The following SEC61A1 variants were observed in gnomAD, a reference collection of about 807,000 sequenced individuals.
SEC61A1 encodes the protein SEC61 translocon subunit alpha 1, also known as protein transport protein Sec61 subunit alpha isoform 1.
SEC61A1 carries 15 observed loss-of-function variants against 55.2 expected under a neutral mutation model. That is an observed-to-expected ratio of 0.27 (90% CI 0.18 to 0.42). The LOEUF is 0.42. Among genes scored for constraint, SEC61A1 ranks in the 10% least tolerant of loss-of-function variants. The probability of loss-of-function intolerance (pLI) is 1.00; values close to 1 mark genes in which losing one functional copy is unlikely to be tolerated. For missense variants in SEC61A1, 284 were observed against 602.6 expected (o/e 0.47, Z 5.53); for synonymous variants, 247 against 234.0 (o/e 1.06, Z -0.51).
At chr3:128,066,789 G>C in intron 8 of SEC61A1, 165 bp from the exon 9 acceptor site, 2 of 634,972 alleles carry the variant, frequency 3.1e-6, no homozygotes, top group South Asian at 3.9e-5. Flanking sequence ...GGAGTGCAGT[G>C]GTGGGTAAGG....
chr3:128,063,590 C>T (rs1485326760), intron 7 of SEC61A1, among the ~76,000 whole-genome samples: 3 of 152,206 alleles, frequency 2.0e-5, no homozygotes, highest in Non-Finnish European at 2.9e-5. Context: ...CCGCGTCAGT[C>T]TCCCAAAGTG....
rs767069188 is a variant in SEC61A1 at position 128,060,676 on chromosome 3, C to T, written c.616+15C>T. ...CACTGGCCGAGGTAAGGGCCCTGTG[C>T]TCCCCTGGTGGCGACAGCTTTCAGC... On this transcript the variant is annotated intron_variant, in intron 7 of 11. Coordinates refer to ENST00000243253, the MANE Select transcript of SEC61A1 (RefSeq NM_013336.4). 1 of 1,611,874 alleles carries T rather than the reference C, an allele frequency of 6.2e-7. No individual in the cohort carries two copies. The highest frequency in any genetic ancestry group is 1.1e-5 in the South Asian group (1 of 90,582).
At chr3:128,051,867 A>G (rs985562724), upstream of SEC61A1, 7 of 1,535,766 alleles carry the variant, frequency 4.6e-6, no homozygotes, top group African/African-American at 6.8e-5. Flanking sequence ...CACCCACGAC[A>G]AGCCTCCGGG....
chr3:128,061,878 C>T (rs1941857136), intron 7 of SEC61A1, among the ~76,000 whole-genome samples: 1 of 152,180 alleles, frequency 6.6e-6, no homozygotes, highest in Non-Finnish European at 1.5e-5. Context: ...CCCCTGGTGG[C>T]TTAGCAGCCC....
At chr3:128,051,997 G>A, upstream of SEC61A1, 2 of 1,008,762 alleles carry the variant, frequency 2.0e-6, no homozygotes, top group Admixed American at 2.0e-5. Flanking sequence ...CTGGGATAAG[G>A]TCCCTGCTCC....
Position 128,057,660 on chromosome 3 carries a change from C to A in SEC61A1, c.352+820C>A, listed in dbSNP as rs1941791590. 5.3e-5 allele frequency among the ~76,000 whole-genome samples: 8 copies of A among 151,824 alleles called. No homozygotes were observed. In the South Asian group the frequency reaches 1.7e-3, roughly 32 times the overall value. ...ATCATCTGAGGTCAGGAGTTTGAGA[C>A]CAACCTGGCCAACATGGTGAAACCC... On this transcript the variant is annotated intron_variant, in intron 5 of 11. Transcript: ENST00000243253.
At chr3:128,059,965 C>G (rs756886203) in intron 5 of SEC61A1, 137 bp from the exon 6 acceptor site, 18 of 635,526 alleles carry the variant, frequency 2.8e-5, no homozygotes, top group Non-Finnish European at 4.5e-5. Context: ...CGTTCTCAGC[C>G]GAGCCCCTTG....
At chr3:128,063,825 C>G (rs1941889733) in intron 7 of SEC61A1, among the ~76,000 whole-genome samples, 1 of 152,108 alleles carries the variant, frequency 6.6e-6, no homozygotes, top group African/African-American at 2.4e-5. Flanking sequence ...CTTTTTTTCG[C>G]TTTTTAGTTT....
At chr3:128,054,327 CTT>C (rs2107640838) in intron 2 of SEC61A1, among the ~76,000 whole-genome samples, 1 of 152,288 alleles carries the variant, frequency 6.6e-6, no homozygotes, top group South Asian at 2.1e-4. Context: ...ATTGTCTGCT[CTT>C]TGTTTCCCAT....
intron 7 of SEC61A1, among the ~76,000 whole-genome samples, chr3:128,063,151 G>A (rs1298687650): frequency 6.6e-6 from 1 of 151,894 alleles, no homozygotes. Flanking sequence ...TTTTTGTAGG[G>A]TGTCTTCATT....
intron 5 of SEC61A1, among the ~76,000 whole-genome samples, 192 bp downstream of exon 5, chr3:128,057,032 G>A (rs186120163): frequency 6.6e-6 from 1 of 152,058 alleles, no homozygotes; most frequent in South Asian, 2.1e-4. Context: ...CACCTCCCAG[G>A]TTCAAGCAAT....
At chr3:128,066,872 A>G in intron 8 of SEC61A1, 82 bp from the exon 9 acceptor site, 6 of 1,381,800 alleles carry the variant, frequency 4.3e-6, no homozygotes, top group Non-Finnish European at 6.1e-6. Context: ...GGCCCACTGG[A>G]CAGTCCCCGG....
At chr3:128,065,395 T>C in intron 8 of SEC61A1, 1 of 551,614 alleles carries the variant, frequency 1.8e-6, no homozygotes, top group Non-Finnish European at 3.2e-6. Flanking sequence ...ATGATATTTA[T>C]AGGTAACTTC....
chr3:128,059,468 C>CA (rs796958852), intron 5 of SEC61A1, among the ~76,000 whole-genome samples: 1,180 of 99,432 alleles, frequency 0.012, 12 homozygotes, highest in African/African-American at 0.033. Context: ...GACTCCGTCT[C>CA]AAAAAAAAAA....
intron 5 of SEC61A1, 147 bp from the exon 6 acceptor site, chr3:128,059,955 C>G: frequency 1.6e-6 from 1 of 606,782 alleles, no homozygotes; most frequent in East Asian, 2.7e-5. Context: ...TGGTTTAGCG[C>G]GTTCTCAGCC....
At chr3:128,057,027 C>T (rs533841788) in intron 5 of SEC61A1, among the ~76,000 whole-genome samples, 187 bp downstream of exon 5, 29 of 152,104 alleles carry the variant, frequency 1.9e-4, no homozygotes, top group Non-Finnish European at 1.5e-4. Context: ...ACCTCCACCT[C>T]CCAGGTTCAA....
At chr3:128,060,324 GCCTAAGACTCTGGGTT>G in intron 6 of SEC61A1, 113 bp downstream of exon 6, 1 of 1,059,792 alleles carries the variant, frequency 9.4e-7, no homozygotes, top group Non-Finnish European at 1.4e-6. Flanking sequence ...GGAAGCAGAA[GCCTAAGACTCTGGGTT>G]AGCCCTCTGA....
intron 7 of SEC61A1, among the ~76,000 whole-genome samples, chr3:128,064,564 C>T (rs1941904602): frequency 6.6e-6 from 1 of 152,092 alleles, no homozygotes; most frequent in African/African-American, 2.4e-5. Context: ...ATCACTTGAG[C>T]CCAGGAGGAG....
chr3:128,052,183 C>G (rs559003179), upstream of SEC61A1, among the ~76,000 whole-genome samples: 244 of 152,072 alleles, frequency 1.6e-3, 1 homozygote, highest in African/African-American at 5.4e-3. Context: ...GACACACCCT[C>G]CCCGCGCGCT....
Sources: allele counts gnomAD v4.1 joint callset (sites outside exome capture counted in the v4.1 genomes callset), GRCh38; gene constraint gnomAD v4.1.1; transcripts MANE v1.5; gene names NCBI Gene and HGNC (gene_info 2026-07-23, HGNC 2026-07-21).